DPP10: variants seen among roughly 807,000 people sequenced by gnomAD.
DPP10 encodes the protein inactive dipeptidyl peptidase 10.
DPP10 carries 33 observed loss-of-function variants against 120.9 expected under a neutral mutation model. That is an observed-to-expected ratio of 0.27 (90% CI 0.21 to 0.37). The LOEUF (loss-of-function observed/expected upper bound fraction) is 0.37. Among genes scored for constraint, DPP10 ranks in the 10% least tolerant of loss-of-function variants. The probability of loss-of-function intolerance (pLI) is 1.00; values close to 1 mark genes in which losing one functional copy is unlikely to be tolerated. For missense variants in DPP10, 816 were observed against 942.8 expected, an observed-to-expected ratio of 0.87 and a Z score of 1.76; for synonymous variants, 337 against 326.1, an observed-to-expected ratio of 1.03 and a Z score of -0.36.
chr2:115,056,097 C>T (rs1249496192), intron 1 of DPP10, among the ~76,000 whole-genome samples: 1 of 152,180 alleles, frequency 6.6e-6, no homozygotes, highest in Non-Finnish European at 1.5e-5. Flanking sequence ...ACATCAGCCT[C>T]TGCAGTAAAC....
At chr2:115,297,845 G>A (rs938199646) in intron 1 of DPP10, among the ~76,000 whole-genome samples, 3 of 152,006 alleles carry the variant, frequency 2.0e-5, no homozygotes, top group South Asian at 2.1e-4. Flanking sequence ...TTAGTAATCC[G>A]TAGAGGCTTA....
At position 114,497,420 on chromosome 2, in the gene DPP10, C is replaced by CATAT. The variant is rs1682765092; in HGVS notation, c.60+54584_60+54585insATAT. On this transcript the variant is annotated intron_variant, in intron 1 of 25. Coordinates refer to ENST00000410059, the MANE Select transcript of DPP10 (RefSeq NM_020868.6). ...ACATATACATATACACATACATATG[C>CATAT]ATCTATATATATATGCATATATATA... Among the ~76,000 whole-genome samples, 3 of 73,538 alleles carry CATAT rather than the reference C, an allele frequency of 4.1e-5. No homozygotes were observed. The Admixed American group carries it at 4.1e-4, about 10-fold the overall frequency. 48.2% of individuals were successfully genotyped at this position (73,538 alleles called of 152,430 possible). A position where few individuals can be genotyped will look rare whatever the true frequency, so the allele number is the denominator to read the frequency against.
At chr2:115,426,291 G>A (rs1574809398) in intron 3 of DPP10, among the ~76,000 whole-genome samples, 1 of 12,852 alleles carries the variant, frequency 7.8e-5, no homozygotes, top group African/African-American at 3.9e-4. Flanking sequence ...TGCCACCTCC[G>A]ACGCTGGAGA....
At chr2:115,044,872 T>G (rs1235241505) in intron 1 of DPP10, among the ~76,000 whole-genome samples, 1 of 152,174 alleles carries the variant, frequency 6.6e-6, no homozygotes, top group Non-Finnish European at 1.5e-5. Flanking sequence ...CAGCATGCAG[T>G]TTGCCTTTCT....
intron 1 of DPP10, among the ~76,000 whole-genome samples, chr2:114,540,376 C>A (rs917571111): frequency 6.6e-6 from 1 of 152,058 alleles, no homozygotes; most frequent in Admixed American, 6.6e-5. Context: ...TGATTGGAAG[C>A]CTGATATACC....
intron 1 of DPP10, among the ~76,000 whole-genome samples, chr2:115,281,352 C>G (rs2060149826): frequency 6.6e-6 from 1 of 152,134 alleles, no homozygotes; most frequent in Non-Finnish European, 1.5e-5. Context: ...AGAAGTAAGG[C>G]AGAATTCCCG....
intron 1 of DPP10, among the ~76,000 whole-genome samples, chr2:115,277,707 G>A (rs879940857): frequency 6.6e-6 from 1 of 151,850 alleles, no homozygotes; most frequent in Non-Finnish European, 1.5e-5. Context: ...TATTGCGTAA[G>A]TAGAGAGCAG....
intron 1 of DPP10, among the ~76,000 whole-genome samples, chr2:115,044,135 C>G (rs1455564209): frequency 6.6e-6 from 1 of 152,042 alleles, no homozygotes; most frequent in East Asian, 1.9e-4. Context: ...CCTCACACTG[C>G]TATAAACAAA....
At chr2:114,902,944 T>C (rs1399509546) in intron 1 of DPP10, among the ~76,000 whole-genome samples, 1 of 152,208 alleles carries the variant, frequency 6.6e-6, no homozygotes, top group Non-Finnish European at 1.5e-5. Flanking sequence ...ATCATCTGTG[T>C]TCCACGAGTT....
At chr2:115,311,817 C>T (rs766580929) in intron 2 of DPP10, among the ~76,000 whole-genome samples, 1 of 152,100 alleles carries the variant, frequency 6.6e-6, no homozygotes, top group Admixed American at 6.6e-5. Context: ...TCAGGCTGGA[C>T]TGCAGTGGTG....
chr2:114,949,296 C>T (rs1428508701), intron 1 of DPP10, among the ~76,000 whole-genome samples: 2 of 152,178 alleles, frequency 1.3e-5, no homozygotes, highest in East Asian at 1.9e-4. Flanking sequence ...GGGGGAAGCA[C>T]CTCCATAATC....
rs184081946 is a variant in DPP10, at chr2:115,223,774, G to A, written c.61-85465G>A. 3.4e-4 allele frequency among the ~76,000 whole-genome samples: 52 copies of A among 152,188 alleles called. No individual in the cohort carries two copies. The East Asian group carries it at 3.9e-3, about 11-fold the overall frequency. On this transcript the variant is annotated intron_variant, in intron 1 of 25. Coordinates refer to ENST00000410059, the MANE Select transcript of DPP10 (RefSeq NM_020868.6). ...TGAAGGGGAAAGTTGGAATCTTTTC[G>A]AAGAAAATGATTAATAGCATGCACA... is the stretch of plus-strand genomic sequence containing the variant.
chr2:115,547,698 C>T (rs892165270), intron 5 of DPP10, among the ~76,000 whole-genome samples: 1 of 149,418 alleles, frequency 6.7e-6, no homozygotes, highest in African/African-American at 2.5e-5. Context: ...CCTGGAGGTC[C>T]AGGCTACAAT....
chr2:114,751,674 G>A (rs531095250), intron 1 of DPP10, among the ~76,000 whole-genome samples: 3 of 152,336 alleles, frequency 2.0e-5, no homozygotes, highest in East Asian at 3.9e-4. Context: ...AGAGCATATA[G>A]AAACAGGTGC....
intron 1 of DPP10, among the ~76,000 whole-genome samples, chr2:114,711,342 A>T (rs1183800259): frequency 1.3e-5 from 2 of 152,220 alleles, no homozygotes; most frequent in South Asian, 4.1e-4. Context: ...ATTTAGGAGG[A>T]TCTTTAAATA....
chr2:114,583,035 A>G (rs1690665949), intron 1 of DPP10, among the ~76,000 whole-genome samples: 1 of 152,216 alleles, frequency 6.6e-6, no homozygotes, highest in African/African-American at 2.4e-5. Flanking sequence ...CCCAGGTAAC[A>G]GGAAGCACTT....
intron 5 of DPP10, among the ~76,000 whole-genome samples, chr2:115,568,391 G>T (rs1171119567): frequency 6.6e-6 from 1 of 151,806 alleles, no homozygotes; most frequent in Non-Finnish European, 1.5e-5. Flanking sequence ...GCTGAGGCAG[G>T]AGAATCGCTT....
At chr2:115,387,203 C>A (rs1047262188) in intron 3 of DPP10, among the ~76,000 whole-genome samples, 3 of 152,126 alleles carry the variant, frequency 2.0e-5, no homozygotes, top group Admixed American at 6.6e-5. Flanking sequence ...ACCACCCCCA[C>A]ACTTGTTTCT....
chr2:115,590,931 T>C (rs936635327), intron 5 of DPP10, among the ~76,000 whole-genome samples: 2 of 152,226 alleles, frequency 1.3e-5, no homozygotes, highest in African/African-American at 4.8e-5. Context: ...ATGATGAGTA[T>C]TGTTTCATGT....
Sources: allele counts gnomAD v4.1 joint callset (sites outside exome capture counted in the v4.1 genomes callset), GRCh38; gene constraint gnomAD v4.1.1; transcripts MANE v1.5; gene names NCBI Gene and HGNC (gene_info 2026-07-23, HGNC 2026-07-21).